The following CNTNAP2 variants were observed in gnomAD, a reference collection of about 807,000 sequenced individuals.
CNTNAP2 encodes the protein contactin associated protein 2, also known as contactin-associated protein-like 2.
A neutral mutation model predicts 155.2 loss-of-function variants in CNTNAP2; 98 were observed. The observed-to-expected ratio is 0.63, with a 90% CI of 0.54 to 0.75. The LOEUF (loss-of-function observed/expected upper bound fraction) is 0.75. CNTNAP2 is among the 30% of genes least tolerant of loss of function. The pLI is 0.00. For synonymous variants in CNTNAP2, 651 were observed against 631.2 expected (o/e 1.03, Z -0.47); for missense variants, 1,727 against 1,688.1 (o/e 1.02, Z -0.40).
intron 1 of CNTNAP2, among the ~76,000 whole-genome samples, chr7:146,439,007 T>G (rs530830113): frequency 6.6e-6 from 1 of 151,550 alleles, no homozygotes; most frequent in Non-Finnish European, 1.5e-5. Context: ...TAGCTTTACA[T>G]TGCATTTTCA....
chr7:148,323,945 A>C (rs1797845617), intron 21 of CNTNAP2, among the ~76,000 whole-genome samples: 2 of 144,104 alleles, frequency 1.4e-5, no homozygotes, highest in Admixed American at 7.2e-5. Context: ...GTGCAGTGGT[A>C]CAATCTCGGC....
chr7:146,160,648 C>A (rs894395653), intron 1 of CNTNAP2, among the ~76,000 whole-genome samples: 1 of 152,052 alleles, frequency 6.6e-6, no homozygotes, highest in Non-Finnish European at 1.5e-5. Flanking sequence ...CAAGACTTAA[C>A]CAAGAAGAAG....
chr7:147,585,062 G>C (rs910981863), intron 12 of CNTNAP2, among the ~76,000 whole-genome samples: 3 of 152,170 alleles, frequency 2.0e-5, no homozygotes, highest in African/African-American at 7.2e-5. Flanking sequence ...ACAGCCTTCT[G>C]TCTGCACTTT....
chr7:148,307,597 A>G (rs1406990537), intron 21 of CNTNAP2, among the ~76,000 whole-genome samples: 2 of 152,178 alleles, frequency 1.3e-5, no homozygotes, highest in Non-Finnish European at 2.9e-5. Context: ...ATGAAGAAGC[A>G]GTGGTAAATG....
chr7:146,982,755 A>G (rs1798042598), intron 3 of CNTNAP2, among the ~76,000 whole-genome samples: 1 of 152,146 alleles, frequency 6.6e-6, no homozygotes, highest in Admixed American at 6.6e-5. Context: ...TGACAGAGTA[A>G]AATGCAAAAT....
intron 15 of CNTNAP2, among the ~76,000 whole-genome samples, chr7:148,075,555 G>A (rs1203106047): frequency 1.3e-5 from 2 of 152,166 alleles, no homozygotes; most frequent in African/African-American, 2.4e-5. Flanking sequence ...AGGAGTAAGA[G>A]AGTCCTGCAG....
intron 8 of CNTNAP2, among the ~76,000 whole-genome samples, chr7:147,209,968 C>T (rs1803110660): frequency 6.6e-6 from 1 of 151,854 alleles, no homozygotes; most frequent in Admixed American, 6.6e-5. Context: ...TTTTGATGTG[C>T]TGCTGGAGTC....
chr7:146,546,691 T>C (rs1798034112), intron 1 of CNTNAP2, among the ~76,000 whole-genome samples: 1 of 151,878 alleles, frequency 6.6e-6, no homozygotes, highest in South Asian at 2.1e-4. Context: ...CAGTTCCACA[T>C]GAGGGGAGGC....
chr7:147,590,256 C>G (rs993646418), intron 12 of CNTNAP2, among the ~76,000 whole-genome samples: 1 of 151,956 alleles, frequency 6.6e-6, no homozygotes, highest in African/African-American at 2.4e-5. Context: ...CATGCCATAA[C>G]CCGTTCCAAA....
intron 1 of CNTNAP2, among the ~76,000 whole-genome samples, chr7:146,315,568 A>T (rs977795498): frequency 6.6e-6 from 1 of 152,040 alleles, no homozygotes; most frequent in African/African-American, 2.4e-5. Context: ...ACTCATGGCT[A>T]TTTACTTGGT....
chr7:147,304,811 G>A (rs1265326829), intron 9 of CNTNAP2, among the ~76,000 whole-genome samples: 1 of 152,128 alleles, frequency 6.6e-6, no homozygotes, highest in Non-Finnish European at 1.5e-5. Context: ...TAGGTTGAGT[G>A]GTCTAAACAA....
intron 20 of CNTNAP2, among the ~76,000 whole-genome samples, chr7:148,246,993 G>A (rs1184496158): frequency 6.6e-6 from 1 of 152,162 alleles, no homozygotes; most frequent in Non-Finnish European, 1.5e-5. Flanking sequence ...CTTTGTGTGT[G>A]CCTCAGTTTC....
intron 9 of CNTNAP2, among the ~76,000 whole-genome samples, chr7:147,389,708 A>G (rs1430102827): frequency 6.6e-6 from 1 of 152,216 alleles, no homozygotes; most frequent in Non-Finnish European, 1.5e-5. Context: ...ATGGAAAGTA[A>G]GATGCAATTG....
chr7:148,167,421 G>A (rs62471734), intron 17 of CNTNAP2, among the ~76,000 whole-genome samples: 8,877 of 152,012 alleles, frequency 0.058, 349 homozygotes, highest in East Asian at 0.24. Context: ...TTACAGGAGT[G>A]AGCAAAACTT....
At chr7:146,171,751 T>C (rs1983468) in intron 1 of CNTNAP2, among the ~76,000 whole-genome samples, 43,830 of 151,982 alleles carry the variant, frequency 0.29, 7,095 homozygotes, top group African/African-American at 0.44. Context: ...ATATATAATG[T>C]GTAAATTTAA....
intron 1 of CNTNAP2, among the ~76,000 whole-genome samples, chr7:146,462,376 G>C (rs566771465): frequency 1.3e-5 from 2 of 152,204 alleles, no homozygotes; most frequent in South Asian, 4.2e-4. Context: ...GCAGAACCCT[G>C]ATAAAGAAAA....
At chr7:146,687,939 T>C (rs144888275) in intron 1 of CNTNAP2, among the ~76,000 whole-genome samples, 131 of 152,270 alleles carry the variant, frequency 8.6e-4, no homozygotes, top group African/African-American at 2.9e-3. Flanking sequence ...ACATTACTAA[T>C]GAAACACAGA....
intron 10 of CNTNAP2, among the ~76,000 whole-genome samples, chr7:147,474,450 T>C (rs570786082): frequency 2.6e-5 from 4 of 151,652 alleles, no homozygotes; most frequent in South Asian, 2.1e-4. Flanking sequence ...TAAAAATTAG[T>C]TGGGCATCTG....
chr7:148,251,215 T>C (rs996091969), intron 20 of CNTNAP2, among the ~76,000 whole-genome samples: 2 of 152,014 alleles, frequency 1.3e-5, no homozygotes, highest in African/African-American at 4.8e-5. Context: ...AATTCAGAGG[T>C]TCCCACTACT....
Sources: gnomAD v4.1 joint callset for allele counts (sites outside exome capture counted in the v4.1 genomes callset) on GRCh38, gnomAD v4.1.1 for gene constraint, MANE v1.5 for transcripts, NCBI Gene and HGNC (gene_info 2026-07-23, HGNC 2026-07-21) for gene names.